Variants in CDH4 observed in about 807,000 individuals in gnomAD.
CDH4 encodes the protein cadherin 4.
CDH4 carries 33 observed loss-of-function variants against 86.0 expected under a neutral mutation model. The ratio of observed to expected loss-of-function variants is 0.38; its 90% CI spans 0.29 to 0.51. The LOEUF (loss-of-function observed/expected upper bound fraction) is 0.51. Ranked by LOEUF, CDH4 falls within the 20% of genes least tolerant of loss-of-function variation. The pLI is 0.86. For synonymous variants in CDH4, 555 were observed against 549.4 expected (o/e 1.01, Z -0.14); for missense variants, 1,114 against 1,307.4 (o/e 0.85, Z 2.28).
intron 2 of CDH4, among the ~76,000 whole-genome samples, chr20:61,618,964 C>T (rs906414566): frequency 6.6e-6 from 1 of 152,174 alleles, no homozygotes; most frequent in African/African-American, 2.4e-5. Flanking sequence ...CCACAGATAC[C>T]TCAACAATAG....
chr20:61,510,506 T>C lies in CDH4; in HGVS notation c.170-233057T>C, dbSNP rs2085771757. On this transcript the variant is annotated intron_variant, in intron 2 of 15. Coordinates refer to ENST00000614565, the MANE Select transcript of CDH4 (RefSeq NM_001794.5). The surrounding 1 kb of genome is among the most constrained non-coding windows in gnomAD (Gnocchi z 4.2). ...GATGGCATCCCATAAAGAAGAGAGA[T>C]TCGTTCCACATAAAATGCAACCACT... 6.6e-6 allele frequency among the ~76,000 whole-genome samples: 1 copy of C among 152,084 alleles called. No homozygotes were observed. The highest frequency in any genetic ancestry group is 2.4e-5 in the African/African-American group (1 of 41,424).
intron 2 of CDH4, among the ~76,000 whole-genome samples, chr20:61,562,078 C>T (rs1406893332): frequency 7.3e-6 from 1 of 136,666 alleles, no homozygotes; most frequent in African/African-American, 2.8e-5. Flanking sequence ...AGAGAGGGGC[C>T]TCCGTGTGGA....
chr20:61,260,178 T>C (rs2084121029), intron 2 of CDH4, among the ~76,000 whole-genome samples: 1 of 152,222 alleles, frequency 6.6e-6, no homozygotes, highest in South Asian at 2.1e-4. Flanking sequence ...AGGCTCCCTC[T>C]ACCCTCCAGT....
chr20:61,602,080 G>A (rs980650394), intron 2 of CDH4, among the ~76,000 whole-genome samples: 3 of 152,162 alleles, frequency 2.0e-5, no homozygotes, highest in African/African-American at 7.2e-5. Flanking sequence ...GAGCTGCGCC[G>A]TGCCCTGCTG....
Position 61,393,303 on chromosome 20 carries a change from C to T in CDH4, c.169+138366C>T, listed in dbSNP as rs1197405373. On this transcript the variant is annotated intron_variant, in intron 2 of 15. Transcript: ENST00000614565. The surrounding 1 kb of genome is among the most constrained non-coding windows in gnomAD (Gnocchi z 4.3). ...CACACACCTGGAGAGAAACAGAAGGCCCAGCATCCGGTCTTCCAGTGGTGT... is the reference window on the plus strand; with the variant it reads ...CACACACCTGGAGAGAAACAGAAGGTCCAGCATCCGGTCTTCCAGTGGTGT... Among the ~76,000 whole-genome samples, 4 of 152,062 alleles carry T rather than the reference C, an allele frequency of 2.6e-5. No homozygotes were observed. In the South Asian group the frequency reaches 8.3e-4, roughly 32 times the overall value.
chr20:61,411,875 C>T (rs1265572261), intron 2 of CDH4, among the ~76,000 whole-genome samples: 1 of 152,212 alleles, frequency 6.6e-6, no homozygotes, highest in Non-Finnish European at 1.5e-5. Flanking sequence ...AGTGGGGCTG[C>T]CCTGTATCCA....
At chr20:61,546,201 C>T (rs2086084454) in intron 2 of CDH4, among the ~76,000 whole-genome samples, 1 of 86,842 alleles carries the variant, frequency 1.2e-5, no homozygotes, top group Admixed American at 1.2e-4. Flanking sequence ...ACGGTATTCA[C>T]ATTCGTGCGT....
intron 2 of CDH4, among the ~76,000 whole-genome samples, chr20:61,395,755 G>T (rs145143240): frequency 3.5e-4 from 53 of 152,278 alleles, no homozygotes; most frequent in Admixed American, 1.1e-3. Flanking sequence ...ATTCCAGCCC[G>T]GGAAACAGGG....
intron 2 of CDH4, among the ~76,000 whole-genome samples, chr20:61,724,890 C>T (rs1568779447): frequency 6.6e-6 from 1 of 152,142 alleles, no homozygotes; most frequent in Non-Finnish European, 1.5e-5. Context: ...GCAGGAGGAT[C>T]GCTTGAGCCC....
chr20:61,323,203 CA>C (rs2084518538), intron 2 of CDH4, among the ~76,000 whole-genome samples: 1 of 152,192 alleles, frequency 6.6e-6, no homozygotes, highest in African/African-American at 2.4e-5. Context: ...GGGGAGTGTG[CA>C]CCTAGAGGAC....
intron 2 of CDH4, among the ~76,000 whole-genome samples, chr20:61,720,223 C>G (rs933230583): frequency 2.6e-5 from 4 of 152,126 alleles, no homozygotes; most frequent in African/African-American, 9.7e-5. Context: ...GCTGAAGTCT[C>G]CCCATCTCTC....
At chr20:61,565,390 G>GGGAGGTGGTGGTGGTGCTCTT (rs2086288215) in intron 2 of CDH4, among the ~76,000 whole-genome samples, 1 of 18,248 alleles carries the variant, frequency 5.5e-5, no homozygotes, top group Admixed American at 5.6e-4. Flanking sequence ...CTTGGTGATG[G>GGGAGGTGGTGGTGGTGCTCTT]GGTGATGGTG....
At chr20:61,328,455 G>A (rs1038773304) in intron 2 of CDH4, among the ~76,000 whole-genome samples, 5 of 152,196 alleles carry the variant, frequency 3.3e-5, no homozygotes, top group Admixed American at 6.5e-5. Flanking sequence ...GATTACAGGC[G>A]TGAGCCACCG....
intron 2 of CDH4, among the ~76,000 whole-genome samples, chr20:61,565,204 CGCGGTG>C (rs2086266845): frequency 2.0e-5 from 1 of 50,284 alleles, no homozygotes; most frequent in Non-Finnish European, 3.6e-5. Flanking sequence ...TGGTGGTGGT[CGCGGTG>C]CTCTCGGTGG....
chr20:61,554,611 C>T (rs569121392), intron 2 of CDH4, among the ~76,000 whole-genome samples: 149 of 152,372 alleles, frequency 9.8e-4, no homozygotes, highest in Non-Finnish European at 1.6e-3. Flanking sequence ...AGGTCACCCA[C>T]AGACTCTCAA....
chr20:61,481,332 T>C lies in CDH4; in HGVS notation c.169+226395T>C, dbSNP rs368804289. On this transcript the variant is annotated intron_variant, in intron 2 of 15. Coordinates refer to ENST00000614565, the MANE Select transcript of CDH4 (RefSeq NM_001794.5). ...CAACACAATTTCCTGGTCCCACACA[T>C]TGGGGAACAGAGTTGCAGCTGGGAA... Among the ~76,000 whole-genome samples, 46 of 152,292 alleles carry C rather than the reference T, an allele frequency of 3.0e-4. No individual in the cohort carries two copies. The South Asian group carries it at 4.1e-3, about 14-fold the overall frequency.
At chr20:61,748,115 A>T (rs1480308293) in intron 3 of CDH4, among the ~76,000 whole-genome samples, 2 of 152,074 alleles carry the variant, frequency 1.3e-5, no homozygotes, top group Admixed American at 6.5e-5. Flanking sequence ...AGACCGTTCC[A>T]TTCCATGCCA....
intron 2 of CDH4, among the ~76,000 whole-genome samples, chr20:61,551,447 C>G (rs1048432521): frequency 6.6e-6 from 1 of 152,188 alleles, no homozygotes; most frequent in South Asian, 2.1e-4. Context: ...GATAAAGGAA[C>G]AGAACCTCCC....
rs139936391 is a variant in CDH4, at chr20:61,936,765, C to G, written c.2573C>G (p.Thr858Arg). Residue 858 changes from threonine (T) to arginine (R), a missense_variant, in exon 16 of 16, where the codon ACG (threonine) becomes AGG (arginine). Transcript: ENST00000614565. ...EGLRAADNDPTAPPYDSLLVF... is the reference protein window; with the variant it reads ...EGLRAADNDPRAPPYDSLLVF... ...CTCCGCGCTGCTGACAACGACCCCA[C>G]GGCACCCCCCTATGACTCCCTGCTG... The G allele has an allele frequency of 1.9e-6, 3 of 1,606,860 alleles. No individual in the cohort carries two copies. Among genetic ancestry groups the G allele is most frequent in the Non-Finnish European group, 2.5e-6 (3 of 1,177,460 alleles).
Sources: gnomAD v4.1 joint callset for allele counts (sites outside exome capture counted in the v4.1 genomes callset) on GRCh38, gnomAD v4.1.1 for gene constraint, Gnocchi (gnomAD v3.1) non-coding constraint, MANE v1.5 for transcripts, NCBI Gene and HGNC (gene_info 2026-07-23, HGNC 2026-07-21) for gene names.